Variants in TEX9 observed in about 807,000 individuals in gnomAD.
TEX9 encodes testis expressed 9.
In TEX9, 74 loss-of-function variants were observed where a neutral mutation model predicts 59.6. The observed-to-expected ratio is 1.24, with a 90% CI of 1.03 to 1.51. The LOEUF (loss-of-function observed/expected upper bound fraction) is 1.51, where lower values mean the gene tolerates loss of function less well. Ranked by LOEUF, TEX9 falls within the 40% of genes most tolerant of loss-of-function variation. The pLI is 0.00. For synonymous variants in TEX9, 186 were observed against 152.2 expected, an observed-to-expected ratio of 1.22 and a Z score of -1.64; for missense variants, 522 against 447.8, an observed-to-expected ratio of 1.17 and a Z score of -1.49.
the TEX9 span, among the ~76,000 whole-genome samples, chr15:56,456,220 C>G: frequency 6.6e-6 from 1 of 152,076 alleles, no homozygotes. Flanking sequence ...TCCATGAATA[C>G]AACTTCTTTT....
At chr15:56,449,741 A>G (rs936149292), downstream of TEX9, among the ~76,000 whole-genome samples, 1 of 152,240 alleles carries the variant, frequency 6.6e-6, no homozygotes, top group African/African-American at 2.4e-5. Context: ...TTTAAAAGTT[A>G]TAGGAACATT....
In TEX9 at chr15:56,383,916, T is replaced by G. The variant is rs766187041; in HGVS notation, c.184-36T>G. 12 of 1,508,596 alleles carry G rather than the reference T, an allele frequency of 8.0e-6. No homozygotes were observed. In the East Asian group the frequency reaches 2.7e-4, roughly 34 times the overall value. The allele number at this position is 1,508,596 out of a possible 1,614,324, so 93.5% of individuals were successfully genotyped here. ...TATATCTTAATGGTTTGGTTTTTTT[T>G]CTATATGATATATTACCTATCTTTA... On this transcript the variant is annotated intron_variant, in intron 3 of 12. Transcript: ENST00000352903.
chr15:56,447,134 G>C, downstream of TEX9: 1 of 506,272 alleles, frequency 2.0e-6, no homozygotes. Context: ...ACATTTTCTG[G>C]TTGAAAAGTA....
chr15:56,289,708 G>A (rs2045043349), intron 1 of TEX9, among the ~76,000 whole-genome samples: 1 of 152,194 alleles, frequency 6.6e-6, no homozygotes, highest in South Asian at 2.1e-4. Flanking sequence ...CAGTGGCACT[G>A]GTGACTGATG....
At chr15:56,306,618 G>C (rs1166724727) in intron 1 of TEX9, among the ~76,000 whole-genome samples, 3 of 152,194 alleles carry the variant, frequency 2.0e-5, no homozygotes, top group African/African-American at 7.2e-5. Flanking sequence ...AAGGGGTTTA[G>C]AGTTGGGGGA....
chr15:56,446,941 A>AT (rs1276350303), downstream of TEX9: 1 of 1,604,386 alleles, frequency 6.2e-7, no homozygotes, highest in Non-Finnish European at 8.5e-7. Flanking sequence ...TCTAAGCTCA[A>AT]TGCTGTTTAA....
intron 1 of TEX9, among the ~76,000 whole-genome samples, chr15:56,287,489 C>T (rs2044981204): frequency 6.6e-6 from 1 of 152,062 alleles, no homozygotes; most frequent in African/African-American, 2.4e-5. Flanking sequence ...AATGGCCAAA[C>T]AAAGCTATTT....
chr15:56,451,168 C>G, the TEX9 span, among the ~76,000 whole-genome samples: 2 of 152,144 alleles, frequency 1.3e-5, no homozygotes, highest in Non-Finnish European at 2.9e-5. Context: ...TAAATGAGTT[C>G]TGAGTGAGGT....
At chr15:56,348,828 T>C (rs892133158) in intron 1 of TEX9, among the ~76,000 whole-genome samples, 14 of 152,242 alleles carry the variant, frequency 9.2e-5, no homozygotes, top group Non-Finnish European at 1.8e-4. Context: ...TCATTCTGTC[T>C]TTTCCTTCCT....
the TEX9 span, among the ~76,000 whole-genome samples, chr15:56,454,937 T>G: frequency 6.6e-6 from 1 of 152,166 alleles, no homozygotes; most frequent in African/African-American, 2.4e-5. Flanking sequence ...TGCACAAATC[T>G]TAAGTGTACA....
At chr15:56,334,760 A>G (rs1472591717) in intron 1 of TEX9, among the ~76,000 whole-genome samples, 1 of 152,204 alleles carries the variant, frequency 6.6e-6, no homozygotes, top group Non-Finnish European at 1.5e-5. Flanking sequence ...CCATCTGACA[A>G]GCGATTAATA....
rs540030035 is a variant in TEX9, at chr15:56,343,952, T to C, written c.-106-29489T>C. On this transcript the variant is annotated intron_variant, in intron 1 of 5. Transcript: ENST00000560827. The stretch of plus-strand genomic sequence containing the variant: ...TCTTTAGCCATCAGGAAAATGCAAA[T>C]CCAAACTACAGTGAGATACCACTTC... Among the ~76,000 whole-genome samples the C allele has an allele frequency of 3.9e-5, 6 of 152,144 alleles. No homozygotes were observed. The South Asian group carries it at 1.2e-3, about 32-fold the overall frequency.
chr15:56,244,249 TC>T lies in TEX9; in HGVS notation c.-133del, dbSNP rs549759912. On this transcript the variant is annotated 5_prime_UTR_variant, in exon 1 of 6. Coordinates refer to the TEX9 transcript ENST00000560827. ...GCACATGCATGTGAGGATTACTTCC[TC>T]CCTGAGTAAATGAAGAGAACTGAAG... 5.8e-3 allele frequency: 890 copies of T among 152,304 alleles called. 4 individuals are homozygous for T. The highest frequency in any genetic ancestry group is 0.01 in the Middle Eastern group (3 of 296). 9.4% of individuals were successfully genotyped at this position (152,304 alleles called of 1,614,324 possible). A position where few individuals can be genotyped will look rare whatever the true frequency, so the allele number is the denominator to read the frequency against.
At chr15:56,453,173 G>A in the TEX9 span, among the ~76,000 whole-genome samples, 1 of 151,796 alleles carries the variant, frequency 6.6e-6, no homozygotes, top group Non-Finnish European at 1.5e-5. Flanking sequence ...ATCTCATTTT[G>A]TCATATTTTT....
upstream of TEX9, among the ~76,000 whole-genome samples, chr15:56,364,164 T>C (rs2046848186): frequency 6.6e-6 from 1 of 152,150 alleles, no homozygotes; most frequent in Admixed American, 6.5e-5. Flanking sequence ...TTTTTTGTTT[T>C]TTTCTTGAGA....
At chr15:56,452,965 T>C in the TEX9 span, among the ~76,000 whole-genome samples, 1 of 152,174 alleles carries the variant, frequency 6.6e-6, no homozygotes, top group East Asian at 1.9e-4. Flanking sequence ...AAGCCTGCTA[T>C]GTTAACTCTT....
chr15:56,349,564 C>A lies in TEX9; in HGVS notation c.-106-23877C>A, dbSNP rs540153844. ...GTACCAAATGCAGCGTTCCCTCAGA[C>A]TAAAGCTATTAAAATAGGAAACCCA... On this transcript the variant is annotated intron_variant, in intron 1 of 5. Transcript: ENST00000560827. Among the ~76,000 whole-genome samples, 6 of 152,236 alleles carry A rather than the reference C, an allele frequency of 3.9e-5. No individual in the cohort carries two copies. The East Asian group carries it at 1.2e-3, about 29-fold the overall frequency.
chr15:56,310,605 C>T (rs1158197109), intron 1 of TEX9, among the ~76,000 whole-genome samples: 36 of 152,284 alleles, frequency 2.4e-4, no homozygotes, highest in African/African-American at 8.7e-4. Context: ...CTATTATGAT[C>T]CCTGCACCAG....
chr15:56,330,258 C>G (rs1019801321), intron 1 of TEX9, among the ~76,000 whole-genome samples: 5 of 152,062 alleles, frequency 3.3e-5, no homozygotes, highest in African/African-American at 1.2e-4. Context: ...CAATACCAGA[C>G]CTGCTCTATA....
Sources: gnomAD v4.1 joint callset for allele counts (sites outside exome capture counted in the v4.1 genomes callset) on GRCh38, gnomAD v4.1.1 for gene constraint, MANE v1.5 for transcripts, NCBI Gene and HGNC (gene_info 2026-07-23, HGNC 2026-07-21) for gene names.